CROT: variants seen among roughly 807,000 people sequenced by gnomAD.
CROT encodes carnitine O-octanoyltransferase, also known as peroxisomal carnitine O-octanoyltransferase.
Under a neutral mutation model 89.2 loss-of-function variants are expected in CROT, and 84 were observed. The observed-to-expected ratio is 0.94, with a 90% CI of 0.79 to 1.13. CROT has a LOEUF of 1.13. Among genes scored for constraint, CROT ranks in the 50% most tolerant of loss-of-function variants. The probability of loss-of-function intolerance (pLI) is 0.00; values close to 1 mark genes in which losing one functional copy is unlikely to be tolerated. For missense variants in CROT, 711 were observed against 727.8 expected (o/e 0.98, Z 0.27); for synonymous variants, 212 against 239.5 (o/e 0.89, Z 1.06).
At chr7:87,372,098 A>G (rs1478277607) in intron 7 of CROT, among the ~76,000 whole-genome samples, 1 of 151,244 alleles carries the variant, frequency 6.6e-6, no homozygotes, top group Non-Finnish European at 1.5e-5. Flanking sequence ...ATCCCTCATT[A>G]CAAGTGAGGT....
In CROT at chr7:87,376,043, A is replaced by G. The variant is rs1348690463; in HGVS notation, c.876+90A>G. 3.9e-6 allele frequency: 5 copies of G among 1,275,686 alleles called. No homozygotes were observed. In the African/African-American group the frequency reaches 7.6e-5, roughly 19 times the overall value. 79.0% of individuals were successfully genotyped at this position (1,275,686 alleles called of 1,614,324 possible). On this transcript the variant is annotated intron_variant, in intron 9 of 17. Coordinates refer to ENST00000331536, the MANE Select transcript of CROT (RefSeq NM_021151.4). ...ACATGGAAGTTTTTTTTCTTTTTCT[A>G]CCTTTAGGCTCTTGAAACTTTTTCT...
intron 6 of CROT, among the ~76,000 whole-genome samples, chr7:87,362,207 T>C (rs1806299890): frequency 6.6e-6 from 1 of 152,204 alleles, no homozygotes. Context: ...ATTGTCTTTT[T>C]GAGTGTTTAC....
intron 9 of CROT, 73 bp downstream of exon 9, chr7:87,376,026 G>T (rs1327033548): frequency 5.4e-5 from 77 of 1,418,454 alleles, no homozygotes; most frequent in Non-Finnish European, 7.0e-5. Context: ...GAACATGGAA[G>T]TTTTTTTTCT....
At chr7:87,360,918 T>C (rs948880274) in intron 4 of CROT, among the ~76,000 whole-genome samples, 1 of 152,172 alleles carries the variant, frequency 6.6e-6, no homozygotes, top group Non-Finnish European at 1.5e-5. Flanking sequence ...AAAGAAATTA[T>C]CACAATAACA....
intron 17 of CROT, among the ~76,000 whole-genome samples, chr7:87,397,081 T>C (rs1807550486): frequency 6.6e-6 from 1 of 152,176 alleles, no homozygotes; most frequent in Non-Finnish European, 1.5e-5. Flanking sequence ...AGGCTAGGCA[T>C]GGTGGCTCAC....
intron 3 of CROT, among the ~76,000 whole-genome samples, chr7:87,352,601 C>T (rs971098772): frequency 6.6e-6 from 1 of 152,196 alleles, no homozygotes; most frequent in Non-Finnish European, 1.5e-5. Flanking sequence ...GGCAGTTTGC[C>T]TGACCTTGAT....
intron 13 of CROT, among the ~76,000 whole-genome samples, chr7:87,387,709 T>C (rs1170675456): frequency 6.6e-6 from 1 of 152,170 alleles, no homozygotes; most frequent in Non-Finnish European, 1.5e-5. Flanking sequence ...CCCAGCACTT[T>C]GGGAGGCTGA....
chr7:87,381,182 C>A (rs1806989868), intron 10 of CROT, among the ~76,000 whole-genome samples: 1 of 152,162 alleles, frequency 6.6e-6, no homozygotes, highest in South Asian at 2.1e-4. Context: ...TGAATGATAT[C>A]TGTGTCTAAT....
At chr7:87,347,602 T>C (rs1462871159) in intron 2 of CROT, among the ~76,000 whole-genome samples, 6 of 152,244 alleles carry the variant, frequency 3.9e-5, no homozygotes, top group Non-Finnish European at 2.9e-5. Flanking sequence ...TTATTATTTC[T>C]CATTTTCAAA....
rs113704507 is a variant in CROT, at chr7:87,361,872, T to C, written c.547+20T>C. On this transcript the variant is annotated intron_variant, in intron 6 of 17. Transcript: ENST00000331536. ...GGACTGGTAAGTAAAAATGCAGATA[T>C]CGTTTTTAGTAAAGGCACTGGAATT... The C allele has an allele frequency of 3.9e-6, 6 of 1,557,292 alleles. No individual in the cohort carries two copies. The highest frequency in any genetic ancestry group is 1.4e-5 in the African/African-American group (1 of 72,324).
rs557378741 is a variant in CROT, at chr7:87,384,949, G to C, written c.1301+2406G>C. Among the ~76,000 whole-genome samples, 4 of 152,206 alleles carry C rather than the reference G, an allele frequency of 2.6e-5. No homozygotes were observed. The South Asian group carries it at 6.2e-4, about 24-fold the overall frequency. On this transcript the variant is annotated intron_variant, in intron 13 of 17. Transcript: ENST00000331536. ...TGCATATGGATATCCAGTTTTCATG[G>C]AGCCATTTATTGAAGAGCCTGTCCT...
At chr7:87,385,994 A>G (rs1419934130) in intron 13 of CROT, among the ~76,000 whole-genome samples, 1 of 152,140 alleles carries the variant, frequency 6.6e-6, no homozygotes, top group East Asian at 1.9e-4. Context: ...ATTAATTTGC[A>G]TATGTTGAAC....
intron 3 of CROT, among the ~76,000 whole-genome samples, chr7:87,358,761 G>A (rs1006844050): frequency 6.6e-6 from 1 of 152,092 alleles, no homozygotes; most frequent in African/African-American, 2.4e-5. Flanking sequence ...TAGAGGAGGT[G>A]GAAGTAGGGA....
chr7:87,345,688 C>A lies in CROT; in HGVS notation c.-192C>A. ...CAGTCCAATTCCCGCACCTTTGAGG[C>A]CCAAGGGGGAGCGAGCCGGTGCTGC... On this transcript the variant is annotated 5_prime_UTR_variant, in exon 1 of 18. Transcript: ENST00000331536. 2.6e-6 allele frequency: 1 copy of A among 379,180 alleles called. No homozygotes were observed. The highest frequency in any genetic ancestry group is 4.7e-6 in the Non-Finnish European group (1 of 214,216). The allele number at this position is 379,180 out of a possible 1,614,324, so 23.5% of individuals were successfully genotyped here.
At chr7:87,366,907 C>T (rs1806465464) in intron 6 of CROT, among the ~76,000 whole-genome samples, 2 of 152,216 alleles carry the variant, frequency 1.3e-5, no homozygotes, top group Admixed American at 1.3e-4. Flanking sequence ...TGCTATCTTC[C>T]TTGGTTAGCT....
intron 13 of CROT, among the ~76,000 whole-genome samples, chr7:87,387,008 G>C (rs1265924746): frequency 6.6e-6 from 1 of 152,010 alleles, no homozygotes; most frequent in Non-Finnish European, 1.5e-5. Context: ...TGAGTCCATG[G>C]GAGTTTTTCC....
At chr7:87,363,577 G>T (rs1053978608) in intron 6 of CROT, among the ~76,000 whole-genome samples, 1 of 152,170 alleles carries the variant, frequency 6.6e-6, no homozygotes, top group Non-Finnish European at 1.5e-5. Context: ...GGAGGGAGCT[G>T]GATGGCCAGA....
At chr7:87,347,274 G>T (rs971340058) in intron 2 of CROT, among the ~76,000 whole-genome samples, 1 of 152,218 alleles carries the variant, frequency 6.6e-6, no homozygotes, top group African/African-American at 2.4e-5. Flanking sequence ...AGCAGGGGTG[G>T]AATCTTGGGG....
At chr7:87,355,100 T>C (rs1806015499) in intron 3 of CROT, among the ~76,000 whole-genome samples, 1 of 100,152 alleles carries the variant, frequency 1.0e-5, no homozygotes, top group Non-Finnish European at 2.0e-5. Flanking sequence ...ACCAAAAATA[T>C]GTATTTTTTT....
Sources: allele counts gnomAD v4.1 joint callset (sites outside exome capture counted in the v4.1 genomes callset), GRCh38; gene constraint gnomAD v4.1.1; transcripts MANE v1.5; gene names NCBI Gene and HGNC (gene_info 2026-07-23, HGNC 2026-07-21).